The following ACYP2 variants were observed in gnomAD, a reference collection of about 807,000 sequenced individuals.
ACYP2 encodes acylphosphatase-2.
Under a neutral mutation model 11.2 loss-of-function variants are expected in ACYP2, and 12 were observed. The observed-to-expected ratio is 1.08, with a 90% CI of 0.69 to 1.74. The LOEUF is 1.74. Ranked by LOEUF, ACYP2 falls within the 40% of genes most tolerant of loss-of-function variation. ACYP2 has a pLI of 0.00. For missense variants in ACYP2, 134 were observed against 101.9 expected (o/e 1.31, Z -1.35); for synonymous variants, 43 against 32.2 (o/e 1.33, Z -1.13).
At chr2:54,200,824 C>A (rs1337791128) in intron 6 of ACYP2, among the ~76,000 whole-genome samples, 1 of 152,172 alleles carries the variant, frequency 6.6e-6, no homozygotes, top group African/African-American at 2.4e-5. Flanking sequence ...TTTTGAGGAA[C>A]TGCCAGGCTG....
intron 6 of ACYP2, among the ~76,000 whole-genome samples, chr2:54,238,504 T>G (rs1413887608): frequency 6.6e-6 from 1 of 152,192 alleles, no homozygotes; most frequent in Non-Finnish European, 1.5e-5. Flanking sequence ...TTAATTTGTA[T>G]GGTCTATATT....
chr2:54,259,289 T>C (rs1687682381), intron 6 of ACYP2, among the ~76,000 whole-genome samples: 1 of 152,226 alleles, frequency 6.6e-6, no homozygotes, highest in East Asian at 1.9e-4. Context: ...ATAATGAGTT[T>C]AGAGCTCAGG....
intron 4 of ACYP2, chr2:54,085,013 A>T (rs1424194965): frequency 2.0e-5 from 3 of 152,180 alleles, no homozygotes; most frequent in African/African-American, 7.2e-5. Flanking sequence ...TTCCGGATGG[A>T]ATATTCTATG....
intron 2 of ACYP2, among the ~76,000 whole-genome samples, chr2:53,982,135 T>G (rs957356580): frequency 6.6e-6 from 1 of 152,152 alleles, no homozygotes; most frequent in African/African-American, 2.4e-5. Flanking sequence ...GGACGTACAC[T>G]CTTTCCACCT....
At chr2:54,023,050 A>T (rs1306234525) in intron 2 of ACYP2, among the ~76,000 whole-genome samples, 2 of 152,124 alleles carry the variant, frequency 1.3e-5, no homozygotes, top group African/African-American at 4.8e-5. Context: ...TCTCTTGTTA[A>T]TCTGTCTTTT....
intron 4 of ACYP2, among the ~76,000 whole-genome samples, chr2:54,067,643 C>A (rs1201487534): frequency 6.6e-6 from 1 of 152,164 alleles, no homozygotes; most frequent in African/African-American, 2.4e-5. Flanking sequence ...AGGGGAAAAT[C>A]TGTGGTAACT....
At chr2:54,150,699 G>C (rs1230470605) in intron 6 of ACYP2, among the ~76,000 whole-genome samples, 3 of 151,946 alleles carry the variant, frequency 2.0e-5, no homozygotes, top group African/African-American at 7.3e-5. Flanking sequence ...TGGGATTGCG[G>C]GTGTGAGCCA....
intron 4 of ACYP2, among the ~76,000 whole-genome samples, chr2:54,119,842 A>G: frequency 2.0e-5 from 3 of 152,172 alleles, no homozygotes; most frequent in Non-Finnish European, 4.4e-5. Context: ...AGATACATTT[A>G]GCCCCCTTGC....
intron 6 of ACYP2, among the ~76,000 whole-genome samples, chr2:54,212,833 AAAG>A (rs935759333): frequency 2.0e-5 from 3 of 152,230 alleles, no homozygotes; most frequent in African/African-American, 7.2e-5. Flanking sequence ...AGTTTAATGT[AAAG>A]AAGTAAATTT....
chr2:54,156,253 A>G (rs1405793960), intron 6 of ACYP2, among the ~76,000 whole-genome samples: 1 of 152,176 alleles, frequency 6.6e-6, no homozygotes, highest in Non-Finnish European at 1.5e-5. Flanking sequence ...AAACTTTAGC[A>G]TGAAATATAT....
intron 6 of ACYP2, among the ~76,000 whole-genome samples, chr2:54,174,342 G>C (rs565405714): frequency 1.3e-5 from 2 of 152,096 alleles, no homozygotes; most frequent in African/African-American, 4.8e-5. Flanking sequence ...TATTGGTGTA[G>C]AGGAATGCTT....
intron 2 of ACYP2, among the ~76,000 whole-genome samples, chr2:54,013,222 T>A (rs554346306): frequency 1.2e-4 from 16 of 132,146 alleles, no homozygotes; most frequent in African/African-American, 4.2e-4. Flanking sequence ...CCCTGCCATG[T>A]TTTGGTCAAT....
intron 2 of ACYP2, among the ~76,000 whole-genome samples, chr2:53,986,262 C>A (rs543187319): frequency 6.6e-6 from 1 of 152,222 alleles, no homozygotes; most frequent in South Asian, 2.1e-4. Flanking sequence ...TGAGTGGAAA[C>A]AGCCTGAAGC....
chr2:54,279,858 C>A (rs1688768437), intron 6 of ACYP2, among the ~76,000 whole-genome samples: 1 of 152,106 alleles, frequency 6.6e-6, no homozygotes, highest in Non-Finnish European at 1.5e-5. Context: ...AGGGACAATG[C>A]CATATTTGTC....
At chr2:54,050,675 C>G (rs545012042) in intron 2 of ACYP2, among the ~76,000 whole-genome samples, 11 of 152,246 alleles carry the variant, frequency 7.2e-5, no homozygotes, top group Admixed American at 4.6e-4. Context: ...ATACACCGCT[C>G]CAGTGCTGGG....
rs530270250 is a variant in ACYP2, at chr2:54,214,396, C to G, written c.404+75648C>G. On this transcript the variant is annotated intron_variant, in intron 6 of 6. Coordinates refer to ENST00000607452, the MANE Select transcript of ACYP2 (RefSeq NM_001320586.2). ...TACATTTCACGTTTAAGTCTTTAAT[C>G]CATCTTGTGTTGCTTTTTTATATGG... Among the ~76,000 whole-genome samples the G allele has an allele frequency of 8.5e-5, 13 of 152,296 alleles. No individual in the cohort carries two copies. The South Asian group carries it at 2.5e-3, about 29-fold the overall frequency.
At position 54,060,642 on chromosome 2, in the gene ACYP2, A is replaced by C. The variant is rs1165730858; in HGVS notation, c.277+3282A>C. Among the ~76,000 whole-genome samples the C allele has an allele frequency of 2.6e-5, 4 of 152,220 alleles. No homozygotes were observed. The East Asian group carries it at 7.7e-4, about 29-fold the overall frequency. On this transcript the variant is annotated intron_variant, in intron 4 of 6. Coordinates refer to ENST00000607452, the MANE Select transcript of ACYP2 (RefSeq NM_001320586.2). ...GTTCTACTAATTTATTTGCCCAAAT[A>C]CATTTTATTTTGGTATGATAGAATT...
At chr2:54,020,059 C>T (rs1246374069) in intron 2 of ACYP2, among the ~76,000 whole-genome samples, 3 of 151,902 alleles carry the variant, frequency 2.0e-5, no homozygotes, top group East Asian at 1.9e-4. Flanking sequence ...GCCTCAGCCT[C>T]CTGAGTAGCT....
At chr2:54,173,820 G>C (rs1040506798) in intron 6 of ACYP2, among the ~76,000 whole-genome samples, 3 of 152,126 alleles carry the variant, frequency 2.0e-5, no homozygotes, top group African/African-American at 7.2e-5. Context: ...GCTTGTTTCT[G>C]TCAGGTTTGT....
Sources: allele counts gnomAD v4.1 joint callset (sites outside exome capture counted in the v4.1 genomes callset), GRCh38; gene constraint gnomAD v4.1.1; transcripts MANE v1.5; gene names NCBI Gene and HGNC (gene_info 2026-07-23, HGNC 2026-07-21).